The following CCSER2 variants were observed in gnomAD, a reference collection of about 807,000 sequenced individuals.
The protein encoded by CCSER2 is coiled-coil serine rich protein 2.
A neutral mutation model predicts 92.3 loss-of-function variants in CCSER2; 46 were observed. The ratio of observed to expected loss-of-function variants is 0.50; its 90% CI spans 0.39 to 0.64. The LOEUF (loss-of-function observed/expected upper bound fraction) is 0.64. Among genes scored for constraint, CCSER2 ranks in the 30% least tolerant of loss-of-function variants. CCSER2 has a pLI of 0.00. For missense variants in CCSER2, 1,244 were observed against 1,238.9 expected (o/e 1.00, Z -0.06); for synonymous variants, 433 against 431.4 (o/e 1.00, Z -0.04).
chr10:84,365,125 A>C (rs114301998), intron 1 of CCSER2, among the ~76,000 whole-genome samples: 2,274 of 152,282 alleles, frequency 0.015, 56 homozygotes, highest in African/African-American at 0.051. Context: ...CTAAAAAAAA[A>C]CTGACATTTT....
intron 6 of CCSER2, among the ~76,000 whole-genome samples, chr10:84,457,937 G>C (rs1020914135): frequency 6.6e-6 from 1 of 151,372 alleles, no homozygotes; most frequent in Non-Finnish European, 1.5e-5. Flanking sequence ...GTAGAGATGG[G>C]GTTTTACCAT....
chr10:84,436,672 G>A (rs1162095135), intron 5 of CCSER2, among the ~76,000 whole-genome samples: 1 of 151,732 alleles, frequency 6.6e-6, no homozygotes, highest in Non-Finnish European at 1.5e-5. Flanking sequence ...TAGTCACTGC[G>A]GGAGGCAGGT....
chr10:84,488,508 AT>A (rs1392138258), intron 9 of CCSER2, among the ~76,000 whole-genome samples: 2 of 151,790 alleles, frequency 1.3e-5, no homozygotes, highest in African/African-American at 2.4e-5. Flanking sequence ...TTTCTTTTAG[AT>A]TTTCTAGTTT....
intron 3 of CCSER2, chr10:84,390,955 C>T: frequency 5.2e-6 from 4 of 762,886 alleles, no homozygotes; most frequent in South Asian, 1.3e-5. Flanking sequence ...TGCTTATATA[C>T]TTGATACCCT....
chr10:84,366,512 A>G (rs1356031109), intron 1 of CCSER2, among the ~76,000 whole-genome samples: 1 of 152,172 alleles, frequency 6.6e-6, no homozygotes, highest in Non-Finnish European at 1.5e-5. Context: ...AAACTCAGCT[A>G]TATTATTGCT....
At chr10:84,377,048 G>T (rs1346491641) in intron 3 of CCSER2, among the ~76,000 whole-genome samples, 1 of 151,956 alleles carries the variant, frequency 6.6e-6, no homozygotes, top group African/African-American at 2.4e-5. Flanking sequence ...CATATTTTTT[G>T]ACATAAATAT....
At position 84,347,038 on chromosome 10, in the gene CCSER2, C is replaced by T. The variant is rs191182935; in HGVS notation, c.-40+18230C>T. Among the ~76,000 whole-genome samples the T allele has an allele frequency of 2.4e-3, 363 of 152,206 alleles. 1 individual carries two copies. Among genetic ancestry groups the T allele is most frequent in the African/African-American group, 8.4e-3 (347 of 41,516 alleles). On this transcript the variant is annotated intron_variant, in intron 1 of 9. Transcript: ENST00000372088. Reference sequence around the variant, plus strand: ...TTTAACAAAGCACATCTTGCACCGCCCTTAATCCATTTAACCCTGAGTGGA... The same window carrying T: ...TTTAACAAAGCACATCTTGCACCGCTCTTAATCCATTTAACCCTGAGTGGA...
chr10:84,472,977 A>G (rs1441604260), intron 8 of CCSER2: 2 of 152,192 alleles, frequency 1.3e-5, no homozygotes, highest in Non-Finnish European at 2.9e-5. Context: ...TATCCCTTAT[A>G]TCTCTTTTAA....
chr10:84,329,849 T>C (rs945938419), intron 1 of CCSER2, among the ~76,000 whole-genome samples: 7 of 152,246 alleles, frequency 4.6e-5, no homozygotes, highest in African/African-American at 1.7e-4. Context: ...TTACTGTTTC[T>C]CTTAATTTAT....
At chr10:84,488,322 C>T (rs1847933088) in intron 9 of CCSER2, among the ~76,000 whole-genome samples, 2 of 152,172 alleles carry the variant, frequency 1.3e-5, no homozygotes, top group Non-Finnish European at 2.9e-5. Flanking sequence ...ATGATACCAG[C>T]TCCTCCTTGT....
intron 3 of CCSER2, among the ~76,000 whole-genome samples, chr10:84,386,977 A>G (rs1444647522): frequency 2.0e-5 from 3 of 152,008 alleles, no homozygotes; most frequent in African/African-American, 7.2e-5. Context: ...AAAATTACCT[A>G]TTGGGTACAG....
At chr10:84,362,022 G>T (rs559014241) in intron 1 of CCSER2, among the ~76,000 whole-genome samples, 9 of 152,308 alleles carry the variant, frequency 5.9e-5, no homozygotes, top group African/African-American at 2.2e-4. Flanking sequence ...TTTACTGTTT[G>T]TCATATACTG....
intron 9 of CCSER2, among the ~76,000 whole-genome samples, chr10:84,487,666 T>C (rs570379259): frequency 5.7e-4 from 87 of 152,338 alleles, no homozygotes; most frequent in African/African-American, 1.8e-3. Flanking sequence ...TTTCTAGATA[T>C]ACAATTATGT....
At chr10:84,455,459 A>G (rs981108724) in intron 6 of CCSER2, 1 of 267,982 alleles carries the variant, frequency 3.7e-6, no homozygotes, top group Non-Finnish European at 7.2e-6. Context: ...TACTTTTAGT[A>G]GAGACGAGCT....
intron 5 of CCSER2, among the ~76,000 whole-genome samples, chr10:84,427,555 A>AT (rs1437485087): frequency 6.6e-6 from 1 of 152,126 alleles, no homozygotes; most frequent in Non-Finnish European, 1.5e-5. Context: ...AACTCCCGTT[A>AT]TTATTGTCAT....
chr10:84,502,729 A>C (rs12783758), intron 9 of CCSER2, among the ~76,000 whole-genome samples: 8,849 of 152,042 alleles, frequency 0.058, 371 homozygotes, highest in Admixed American at 0.1. Context: ...CTAAATGGGG[A>C]GGCGAGGTAA....
At chr10:84,422,916 G>A (rs537199376) in intron 4 of CCSER2, among the ~76,000 whole-genome samples, 4 of 152,030 alleles carry the variant, frequency 2.6e-5, no homozygotes, top group Non-Finnish European at 5.9e-5. Context: ...TTAGCCAGGC[G>A]TGGTGATGTG....
intron 6 of CCSER2, among the ~76,000 whole-genome samples, chr10:84,443,523 A>C (rs1383511781): frequency 6.6e-6 from 1 of 152,220 alleles, no homozygotes; most frequent in Admixed American, 6.5e-5. Context: ...GAGAAATAGG[A>C]ACACTTTTAC....
At chr10:84,410,439 T>C (rs1240988480) in intron 3 of CCSER2, among the ~76,000 whole-genome samples, 1 of 152,218 alleles carries the variant, frequency 6.6e-6, no homozygotes, top group East Asian at 1.9e-4. Context: ...GATTTTTGAC[T>C]TTTCAATAAT....
Sources: gnomAD v4.1 joint callset for allele counts (sites outside exome capture counted in the v4.1 genomes callset) on GRCh38, gnomAD v4.1.1 for gene constraint, MANE v1.5 for transcripts, NCBI Gene and HGNC (gene_info 2026-07-23, HGNC 2026-07-21) for gene names.